MELK: variants seen among roughly 807,000 people sequenced by gnomAD.
MELK encodes the protein maternal embryonic leucine zipper kinase, also known as pEg3 kinase.
MELK carries 81 observed loss-of-function variants against 85.0 expected under a neutral mutation model. The ratio of observed to expected loss-of-function variants is 0.95; its 90% CI spans 0.80 to 1.15. The LOEUF is 1.15. MELK is among the 50% of genes most tolerant of loss of function. MELK has a pLI of 0.00. For missense variants in MELK, 754 were observed against 777.5 expected, an observed-to-expected ratio of 0.97 and a Z score of 0.36; for synonymous variants, 252 against 265.0, an observed-to-expected ratio of 0.95 and a Z score of 0.48.
intron 16 of MELK, among the ~76,000 whole-genome samples, chr9:36,674,486 C>CT (rs1833165020): frequency 6.6e-6 from 1 of 152,128 alleles, no homozygotes; most frequent in Non-Finnish European, 1.5e-5. Context: ...CATTTCAGGA[C>CT]TGTTAATGTC....
chr9:36,599,691 T>C (rs917432134), intron 7 of MELK, among the ~76,000 whole-genome samples: 4 of 152,248 alleles, frequency 2.6e-5, no homozygotes, highest in Non-Finnish European at 4.4e-5. Flanking sequence ...CATATACTTA[T>C]GAAGCAGGGA....
intron 12 of MELK, among the ~76,000 whole-genome samples, chr9:36,655,166 G>T (rs1434318749): frequency 6.6e-6 from 1 of 152,124 alleles, no homozygotes; most frequent in Non-Finnish European, 1.5e-5. Flanking sequence ...TATAATACTT[G>T]TTCTCTAAGA....
At chr9:36,610,033 G>C (rs1326822202) in intron 8 of MELK, among the ~76,000 whole-genome samples, 1 of 152,142 alleles carries the variant, frequency 6.6e-6, no homozygotes, top group African/African-American at 2.4e-5. Flanking sequence ...AAGAAGGGTG[G>C]AAGTGTTTCA....
rs977502630 is a variant in MELK, at chr9:36,576,201, A to G, written c.-39+3194A>G. ...ACTTTTTCTACTCCAGTGGAAGCAGAATGTTTCATTTTCTATCAACAGTTT... is the reference window on the plus strand; with the variant it reads ...ACTTTTTCTACTCCAGTGGAAGCAGGATGTTTCATTTTCTATCAACAGTTT... On this transcript the variant is annotated intron_variant, in intron 1 of 17. Coordinates refer to ENST00000298048, the MANE Select transcript of MELK (RefSeq NM_014791.4). Among the ~76,000 whole-genome samples, 14 of 152,156 alleles carry G rather than the reference A, an allele frequency of 9.2e-5. 1 individual carries two copies. Among genetic ancestry groups the G allele is most frequent in the African/African-American group, 3.4e-4 (14 of 41,444 alleles).
intron 8 of MELK, among the ~76,000 whole-genome samples, chr9:36,611,679 G>A (rs1052931972): frequency 1.3e-5 from 2 of 151,920 alleles, no homozygotes; most frequent in Non-Finnish European, 1.5e-5. Flanking sequence ...GAAATAACAC[G>A]GCATAGGGTT....
chr9:36,637,940 A>G (rs1829370501), intron 10 of MELK, among the ~76,000 whole-genome samples: 1 of 152,196 alleles, frequency 6.6e-6, no homozygotes, highest in African/African-American at 2.4e-5. Context: ...CAGCAACCAC[A>G]CCAAGATCCT....
chr9:36,651,938 C>T (rs555032675), intron 12 of MELK, 61 bp downstream of exon 12: 11 of 1,419,996 alleles, frequency 7.7e-6, no homozygotes. Flanking sequence ...GTGTGTATAC[C>T]ACTGGGAAGG....
chr9:36,579,057 C>A (rs923798301), intron 1 of MELK, among the ~76,000 whole-genome samples: 1 of 140,246 alleles, frequency 7.1e-6, no homozygotes, highest in Non-Finnish European at 1.5e-5. Context: ...GATGGAATTT[C>A]GCTCTTGTTG....
intron 16 of MELK, 55 bp downstream of exon 16, chr9:36,671,221 C>A: frequency 7.0e-7 from 1 of 1,432,382 alleles, no homozygotes; most frequent in Non-Finnish European, 9.2e-7. Flanking sequence ...TAATGGACTG[C>A]CTTTTTTTTT....
chr9:36,604,124 C>G (rs1052943954), intron 7 of MELK, among the ~76,000 whole-genome samples: 122 of 150,598 alleles, frequency 8.1e-4, no homozygotes, highest in African/African-American at 2.9e-3. Context: ...CATGTACCAC[C>G]CTGCCTGGCA....
In MELK at chr9:36,596,572, GTT is replaced by G. The variant is rs1329869246; in HGVS notation, c.406-643_406-642del. On this transcript the variant is annotated intron_variant, in intron 5 of 17. Coordinates refer to ENST00000298048, the MANE Select transcript of MELK (RefSeq NM_014791.4). ...GCGCCCGGCCCTTTTTGTTTTTTTT[GTT>G]TTTTTTGTTTTTTTTGTTTTTTTTT... 8.3e-5 allele frequency among the ~76,000 whole-genome samples: 8 copies of G among 96,076 alleles called. 1 individual carries two copies. Among genetic ancestry groups the G allele is most frequent in the Admixed American group, 6.6e-4 (7 of 10,574 alleles). The allele number at this position is 96,076 out of a possible 152,430, so 63.0% of individuals were successfully genotyped here.
chr9:36,600,154 C>T (rs941591727), intron 7 of MELK, among the ~76,000 whole-genome samples: 3 of 151,210 alleles, frequency 2.0e-5, no homozygotes, highest in East Asian at 3.9e-4. Flanking sequence ...AGTGCAGTGG[C>T]GCGATCTTGG....
intron 8 of MELK, among the ~76,000 whole-genome samples, chr9:36,616,678 C>T (rs953906850): frequency 3.9e-5 from 6 of 152,050 alleles, no homozygotes; most frequent in Non-Finnish European, 8.8e-5. Context: ...CGTGAGCCAC[C>T]GCGCCTGGCC....
chr9:36,628,863 CTT>C (rs869033969), intron 8 of MELK, among the ~76,000 whole-genome samples: 10 of 127,898 alleles, frequency 7.8e-5, no homozygotes, highest in Admixed American at 1.6e-4. Flanking sequence ...TTTGTATTTT[CTT>C]TTTTTTTTTT....
intron 8 of MELK, among the ~76,000 whole-genome samples, chr9:36,612,157 G>T (rs552026199): frequency 6.6e-6 from 1 of 151,704 alleles, no homozygotes; most frequent in African/African-American, 2.4e-5. Flanking sequence ...GTGCAATGGC[G>T]CGATCTTAGC....
intron 9 of MELK, among the ~76,000 whole-genome samples, chr9:36,632,441 A>G (rs1828729835): frequency 6.6e-6 from 1 of 151,342 alleles, no homozygotes; most frequent in Non-Finnish European, 1.5e-5. Context: ...TCTTAGTGCA[A>G]TTTTTTTTTC....
chr9:36,573,618 G>A (rs1821319085), intron 1 of MELK, among the ~76,000 whole-genome samples: 1 of 152,104 alleles, frequency 6.6e-6, no homozygotes, highest in Non-Finnish European at 1.5e-5. Context: ...CGATTCTTCT[G>A]CCTCAGCCTC....
intron 13 of MELK, among the ~76,000 whole-genome samples, chr9:36,658,674 G>A (rs570610194): frequency 2.6e-5 from 4 of 151,532 alleles, no homozygotes; most frequent in South Asian, 2.1e-4. Flanking sequence ...TGTTTTTCTC[G>A]TGTATATGGG....
At chr9:36,664,090 T>C (rs2137782440) in intron 13 of MELK, among the ~76,000 whole-genome samples, 1 of 152,286 alleles carries the variant, frequency 6.6e-6, no homozygotes, top group South Asian at 2.1e-4. Context: ...AATATCTCTA[T>C]TTCTTTTATT....
Sources: gnomAD v4.1 joint callset for allele counts (sites outside exome capture counted in the v4.1 genomes callset) on GRCh38, gnomAD v4.1.1 for gene constraint, MANE v1.5 for transcripts, NCBI Gene and HGNC (gene_info 2026-07-23, HGNC 2026-07-21) for gene names.